Variants in EPB41L5 observed in about 807,000 individuals in gnomAD.
EPB41L5 encodes the protein erythrocyte membrane protein band 4.1 like 5.
EPB41L5 carries 55 observed loss-of-function variants against 106.6 expected under a neutral mutation model. The ratio of observed to expected loss-of-function variants is 0.52; its 90% CI spans 0.42 to 0.65. The LOEUF is 0.65. EPB41L5 is among the 30% of genes least tolerant of loss of function. The pLI is 0.00. For synonymous variants in EPB41L5, 297 were observed against 306.7 expected (o/e 0.97, Z 0.33); for missense variants, 871 against 882.1 (o/e 0.99, Z 0.16).
intron 18 of EPB41L5, among the ~76,000 whole-genome samples, chr2:120,132,946 T>C (rs1335075637): frequency 1.3e-5 from 2 of 152,140 alleles, no homozygotes; most frequent in African/African-American, 4.8e-5. Context: ...CTTGTTTCTT[T>C]GTAAAATGTC....
intron 2 of EPB41L5, among the ~76,000 whole-genome samples, chr2:120,021,514 G>A (rs890738941): frequency 3.3e-5 from 5 of 151,986 alleles, no homozygotes; most frequent in East Asian, 3.9e-4. Context: ...GGTGGCGGAC[G>A]CCTGTAATCC....
At chr2:120,041,459 G>A (rs1029331791) in intron 2 of EPB41L5, among the ~76,000 whole-genome samples, 1 of 152,054 alleles carries the variant, frequency 6.6e-6, no homozygotes, top group East Asian at 1.9e-4. Flanking sequence ...CATCATCACA[G>A]TACTTTTCTT....
At chr2:120,089,550 C>A (rs184366757) in intron 11 of EPB41L5, among the ~76,000 whole-genome samples, 2 of 152,194 alleles carry the variant, frequency 1.3e-5, no homozygotes, top group East Asian at 3.9e-4. Flanking sequence ...ATAGCACATT[C>A]ATTCATTCAT....
chr2:120,013,871 A>C (rs1677322003), intron 1 of EPB41L5, among the ~76,000 whole-genome samples: 1 of 152,240 alleles, frequency 6.6e-6, no homozygotes, highest in Admixed American at 6.5e-5. Flanking sequence ...AAAGTTTTTA[A>C]AGAATTACGG....
rs1228749568 is a variant in EPB41L5, at chr2:120,160,952, C to G, written c.1865C>G (p.Ala622Gly). 8 of 1,613,630 alleles carry G rather than the reference C, an allele frequency of 5.0e-6. No homozygotes were observed. The highest frequency in any genetic ancestry group is 1.3e-5 in the African/African-American group (1 of 74,918). Residue 622 changes from alanine to glycine, a missense_variant, in exon 21 of 25, where the codon GCC (alanine) becomes GGC (glycine). Ala to Gly is a moderately conservative substitution (Grantham distance 60). Transcript: ENST00000263713. The stretch of plus-strand genomic sequence containing the variant: ...GAGACTCTGATGCTTATCACACCTG[C>G]CGACAGTGGTTCTGTTCTAAAGGTA... ...SLETLMLITP[A>G]DSGSVLKEAT...
At chr2:120,063,696 A>G (rs1281242311) in intron 3 of EPB41L5, among the ~76,000 whole-genome samples, 1 of 152,192 alleles carries the variant, frequency 6.6e-6, no homozygotes, top group Non-Finnish European at 1.5e-5. Context: ...CTGTAATCCC[A>G]ATACTTTGTG....
chr2:120,085,371 C>T (rs919027291), intron 10 of EPB41L5, among the ~76,000 whole-genome samples: 2 of 152,200 alleles, frequency 1.3e-5, no homozygotes, highest in African/African-American at 4.8e-5. Flanking sequence ...TGCTGGAGGT[C>T]CACTCCAGAC....
At chr2:120,081,731 C>T (rs933697061) in intron 10 of EPB41L5, among the ~76,000 whole-genome samples, 2 of 152,140 alleles carry the variant, frequency 1.3e-5, no homozygotes, top group Non-Finnish European at 2.9e-5. Flanking sequence ...TTGATTCTTC[C>T]TATCCATGAG....
chr2:120,021,310 AGTCTGGGTGACAGCAAGACTCC>A (rs1677910377), intron 2 of EPB41L5, among the ~76,000 whole-genome samples: 1 of 151,484 alleles, frequency 6.6e-6, no homozygotes, highest in South Asian at 2.1e-4. Flanking sequence ...ACTGCACTCC[AGTCTGGGTGACAGCAAGACTCC>A]GTCTCAAAAA....
intron 3 of EPB41L5, among the ~76,000 whole-genome samples, chr2:120,057,067 A>AT (rs942184502): frequency 1.3e-5 from 2 of 151,616 alleles, no homozygotes; most frequent in African/African-American, 2.4e-5. Context: ...CTAATTCTTT[A>AT]TTTTTTTGTA....
At position 120,085,975 on chromosome 2, in the gene EPB41L5, C is replaced by G. The variant is rs546439951; in HGVS notation, c.804-1196C>G. 1.4e-4 allele frequency among the ~76,000 whole-genome samples: 22 copies of G among 152,288 alleles called. No homozygotes were observed. The East Asian group carries it at 4.1e-3, about 28-fold the overall frequency. ...TGTAATCCCCACCAAGGCAGGGGCT[C>G]ACCTGAGGTCAGGAGTTCAAGACCA... is the stretch of plus-strand genomic sequence containing the variant. On this transcript the variant is annotated intron_variant, in intron 10 of 24. Transcript: ENST00000263713.
At chr2:120,080,958 G>GT (rs1318880291) in intron 10 of EPB41L5, among the ~76,000 whole-genome samples, 71 of 150,630 alleles carry the variant, frequency 4.7e-4, no homozygotes, top group African/African-American at 1.4e-3. Context: ...GGGGTTGTTT[G>GT]TTTTTTTTTC....
intron 3 of EPB41L5, among the ~76,000 whole-genome samples, chr2:120,058,803 G>C (rs1221823453): frequency 1.3e-5 from 2 of 152,108 alleles, no homozygotes; most frequent in African/African-American, 4.8e-5. Flanking sequence ...GGCTGATGGA[G>C]AAATCAAAGA....
intron 10 of EPB41L5, among the ~76,000 whole-genome samples, chr2:120,081,608 G>A (rs180942883): frequency 3.4e-4 from 51 of 151,820 alleles, no homozygotes; most frequent in South Asian, 3.1e-3. Context: ...TTTTGGTTCC[G>A]TATGAACTTT....
intron 16 of EPB41L5, among the ~76,000 whole-genome samples, chr2:120,111,304 A>G (rs1684719446): frequency 6.6e-6 from 1 of 152,228 alleles, no homozygotes; most frequent in African/African-American, 2.4e-5. Context: ...TAATATGTTC[A>G]AAATTGGACA....
chr2:120,024,084 CAG>C (rs1678130969), intron 2 of EPB41L5, among the ~76,000 whole-genome samples: 1 of 152,168 alleles, frequency 6.6e-6, no homozygotes, highest in African/African-American at 2.4e-5. Flanking sequence ...TGGGCTGAGA[CAG>C]TGGGGTTTTC....
At position 120,021,521 on chromosome 2, in the gene EPB41L5, A is replaced by T. The variant is rs1385838723; in HGVS notation, c.180+2257A>T. 3.4e-5 allele frequency among the ~76,000 whole-genome samples: 5 copies of T among 146,298 alleles called. No homozygotes were observed. In the East Asian group the frequency reaches 1.0e-3, roughly 30 times the overall value. ...CTGGGTGTGGTGGCGGACGCCTGTA[A>T]TCCCAGCTACTTGGGAGGCTGAGGC... On this transcript the variant is annotated intron_variant, in intron 2 of 24. Transcript: ENST00000263713.
chr2:120,178,128 A>ACAG lies in EPB41L5; in HGVS notation c.*3232_*3234dup, dbSNP rs1208886303. ...TCCCACTCAGCTCTGCTGGCGCAGT[A>ACAG]CAGCAGCAGCAGCCCCAGCACAGCT... On this transcript the variant is annotated 3_prime_UTR_variant, in exon 25 of 25. Coordinates refer to ENST00000263713, the MANE Select transcript of EPB41L5 (RefSeq NM_020909.4). The ACAG allele has an allele frequency of 1.3e-5, 2 of 152,584 alleles. No homozygotes were observed. Among genetic ancestry groups the ACAG allele is most frequent in the African/African-American group, 4.8e-5 (2 of 41,458 alleles). The allele number at this position is 152,584 out of a possible 1,614,324, so 9.5% of individuals were successfully genotyped here.
chr2:120,032,055 G>A (rs903512934), intron 2 of EPB41L5, among the ~76,000 whole-genome samples: 1 of 152,088 alleles, frequency 6.6e-6, no homozygotes, highest in Non-Finnish European at 1.5e-5. Flanking sequence ...GGGTTCAGAG[G>A]CATGACTTAT....
Sources: gnomAD v4.1 joint callset for allele counts (sites outside exome capture counted in the v4.1 genomes callset) on GRCh38, gnomAD v4.1.1 for gene constraint, MANE v1.5 for transcripts, NCBI Gene and HGNC (gene_info 2026-07-23, HGNC 2026-07-21) for gene names.